Variants in WDR49 observed in about 807,000 individuals in gnomAD.
WDR49 encodes WD repeat domain 49, also known as cilia- and flagella-associated protein 337.
WDR49 carries 107 observed loss-of-function variants against 119.5 expected under a neutral mutation model. That is an observed-to-expected ratio of 0.90 (90% CI 0.77 to 1.05). The LOEUF (loss-of-function observed/expected upper bound fraction) is 1.05. Among genes scored for constraint, WDR49 ranks in the 50% least tolerant of loss-of-function variants. WDR49 has a pLI of 0.00. For synonymous variants in WDR49, 425 were observed against 418.8 expected (o/e 1.01, Z -0.18); for missense variants, 1,240 against 1,220.5 (o/e 1.02, Z -0.24).
intron 18 of WDR49, among the ~76,000 whole-genome samples, chr3:167,483,981 A>G (rs1161190845): frequency 6.6e-6 from 1 of 152,228 alleles, no homozygotes; most frequent in Non-Finnish European, 1.5e-5. Context: ...TTAATGGCAT[A>G]ATGATTTTTT....
At position 167,536,973 on chromosome 3, in the gene WDR49, G is replaced by A. The variant is rs768380746; in HGVS notation, c.1851C>T (p.Asn617=). The change falls in exon 11 of 19, where the codon AAC becomes AAT. Residue 617 remains asparagine (N), a synonymous_variant. Coordinates refer to ENST00000682715, the MANE Select transcript of WDR49 (RefSeq NM_001366157.1). ...GRAITVFRPQ[N]FNQFFIQPEE... is the part of the protein sequence containing the mutation. ...CAGGCTGGATGAAAAATTGATTGAA[G>A]TTTTGGGGTCGAAACACAGTAATAG... is the stretch of plus-strand genomic sequence containing the variant. 2 of 1,589,480 alleles carry A rather than the reference G, an allele frequency of 1.3e-6. No homozygotes were observed. Among genetic ancestry groups the A allele is most frequent in the South Asian group, 1.2e-5 (1 of 86,884 alleles).
At chr3:167,578,084 A>G (rs370989495) in intron 7 of WDR49, among the ~76,000 whole-genome samples, 1 of 152,082 alleles carries the variant, frequency 6.6e-6, no homozygotes, top group African/African-American at 2.4e-5. Flanking sequence ...TTCTTCTCAC[A>G]CCTGCATAAG....
chr3:167,512,410 A>C (rs1470463524), intron 16 of WDR49, among the ~76,000 whole-genome samples: 1 of 152,184 alleles, frequency 6.6e-6, no homozygotes, highest in Non-Finnish European at 1.5e-5. Flanking sequence ...AACAAACAGA[A>C]AGCAACAACA....
At chr3:167,582,557 C>T (rs1053393028) in intron 7 of WDR49, among the ~76,000 whole-genome samples, 10 of 151,978 alleles carry the variant, frequency 6.6e-5, no homozygotes, top group Non-Finnish European at 1.5e-4. Flanking sequence ...CTCTAAGACT[C>T]GAATTTCCAC....
rs1716868271 is a variant in WDR49, at chr3:167,621,512, A to G, written c.738T>C (p.Leu246=). 1.3e-6 allele frequency: 2 copies of G among 1,535,124 alleles called. No homozygotes were observed. The highest frequency in any genetic ancestry group is 2.0e-5 in the Admixed American group (1 of 50,896). The part of the protein sequence containing the change: ...PICMDYWYDP[L]DANESILSFG... ...AAGAAAGAATTGATTCATTGGCATC[A>G]AGAGGATCATACCAATAATCCATGC... is the stretch of plus-strand genomic sequence containing the variant. Residue 246 remains leucine, a synonymous_variant, in exon 4 of 19, where the codon CTT becomes CTC. Coordinates refer to ENST00000682715, the MANE Select transcript of WDR49 (RefSeq NM_001366157.1).
chr3:167,528,078 T>C, intron 14 of WDR49, 61 bp from the exon 15 acceptor site: 2 of 1,422,702 alleles, frequency 1.4e-6, no homozygotes, highest in South Asian at 1.3e-5. Flanking sequence ...TACAATGACA[T>C]AACACTTTTA....
chr3:167,600,332 G>T (rs190199949), intron 7 of WDR49, among the ~76,000 whole-genome samples: 19 of 152,172 alleles, frequency 1.2e-4, no homozygotes, highest in African/African-American at 4.3e-4. Context: ...ACTCACCTAG[G>T]AGTTGCAGTC....
chr3:167,568,215 G>A (rs887799335), intron 8 of WDR49, among the ~76,000 whole-genome samples: 34 of 152,230 alleles, frequency 2.2e-4, no homozygotes, highest in African/African-American at 8.2e-4. Context: ...CTCATTTGCA[G>A]CTTCTTGATT....
intron 16 of WDR49, among the ~76,000 whole-genome samples, chr3:167,513,221 C>T (rs1279248692): frequency 6.6e-6 from 1 of 152,070 alleles, no homozygotes; most frequent in African/African-American, 2.4e-5. Context: ...AAGTCAATTA[C>T]AAAGGGAAGC....
At chr3:167,629,401 A>C (rs1448852625) in intron 2 of WDR49, among the ~76,000 whole-genome samples, 1 of 152,076 alleles carries the variant, frequency 6.6e-6, no homozygotes, top group Non-Finnish European at 1.5e-5. Context: ...ATTCCTTTTA[A>C]AAGGGTACTG....
At chr3:167,544,802 C>T (rs1220324713) in intron 10 of WDR49, among the ~76,000 whole-genome samples, 1 of 151,772 alleles carries the variant, frequency 6.6e-6, no homozygotes, top group East Asian at 1.9e-4. Flanking sequence ...TGACCAAGAA[C>T]CCAAAATCAA....
At chr3:167,493,038 G>A (rs1327058914) in intron 18 of WDR49, among the ~76,000 whole-genome samples, 1 of 152,120 alleles carries the variant, frequency 6.6e-6, no homozygotes, top group Non-Finnish European at 1.5e-5. Context: ...TCCTTTGCTA[G>A]CTGTCATGAT....
At chr3:167,530,516 A>G (rs1034811633) in intron 13 of WDR49, among the ~76,000 whole-genome samples, 1 of 152,138 alleles carries the variant, frequency 6.6e-6, no homozygotes, top group Admixed American at 6.6e-5. Flanking sequence ...ACAGTAAATC[A>G]TAAAATAGCA....
chr3:167,502,072 C>A (rs1030276422), intron 17 of WDR49, among the ~76,000 whole-genome samples: 2 of 152,058 alleles, frequency 1.3e-5, no homozygotes, highest in Admixed American at 1.3e-4. Context: ...TGGTGCCATT[C>A]CCTTGGTGCT....
intron 16 of WDR49, among the ~76,000 whole-genome samples, chr3:167,519,286 G>A (rs908264803): frequency 1.3e-5 from 2 of 151,964 alleles, no homozygotes; most frequent in African/African-American, 4.8e-5. Flanking sequence ...CTCATTACTG[G>A]GTATATACCC....
At chr3:167,651,086 T>C (rs1360509390) in intron 2 of WDR49, among the ~76,000 whole-genome samples, 1 of 152,206 alleles carries the variant, frequency 6.6e-6, no homozygotes, top group African/African-American at 2.4e-5. Flanking sequence ...TGGTATGTGA[T>C]ATTTTATTCG....
chr3:167,639,645 T>G (rs1409324723), intron 2 of WDR49, among the ~76,000 whole-genome samples: 1 of 151,818 alleles, frequency 6.6e-6, no homozygotes, highest in East Asian at 1.9e-4. Flanking sequence ...ATATAAACTT[T>G]GAATCGATAA....
intron 15 of WDR49, among the ~76,000 whole-genome samples, chr3:167,523,417 A>T (rs544743872): frequency 6.6e-6 from 1 of 151,434 alleles, no homozygotes; most frequent in East Asian, 1.9e-4. Context: ...TCTGGGATAC[A>T]TGTGCTGAAC....
At chr3:167,573,386 T>C (rs184363453) in intron 8 of WDR49, among the ~76,000 whole-genome samples, 2 of 126,116 alleles carry the variant, frequency 1.6e-5, no homozygotes, top group East Asian at 4.2e-4. Flanking sequence ...TAGCTTTATG[T>C]GGAATACACA....
Sources: allele counts gnomAD v4.1 joint callset (sites outside exome capture counted in the v4.1 genomes callset), GRCh38; gene constraint gnomAD v4.1.1; transcripts MANE v1.5; gene names NCBI Gene and HGNC (gene_info 2026-07-23, HGNC 2026-07-21).